The following ACTL6A variants were observed in gnomAD, a reference collection of about 807,000 sequenced individuals.
ACTL6A encodes actin-like protein 6A.
In ACTL6A, 5 loss-of-function variants were observed where a neutral mutation model predicts 59.2. That is an observed-to-expected ratio of 0.08 (90% CI 0.04 to 0.18). The LOEUF is 0.18. ACTL6A is among the 10% of genes least tolerant of loss of function. ACTL6A has a pLI of 1.00. For missense variants in ACTL6A, 285 were observed against 526.9 expected (o/e 0.54, Z 4.49); for synonymous variants, 154 against 171.8 (o/e 0.90, Z 0.81).
At chr3:179,586,795 C>A in intron 13 of ACTL6A, 163 bp downstream of exon 13, 1 of 586,508 alleles carries the variant, frequency 1.7e-6, no homozygotes, top group Non-Finnish European at 2.9e-6. Context: ...TCTGATGTAA[C>A]AAAATGCCTC....
chr3:179,569,306 A>G (rs1246647975), intron 1 of ACTL6A, among the ~76,000 whole-genome samples: 1 of 152,170 alleles, frequency 6.6e-6, no homozygotes, highest in African/African-American at 2.4e-5. Flanking sequence ...ATGGCAATGG[A>G]TCCATTATTA....
chr3:179,585,554 T>C (rs1212692147), intron 12 of ACTL6A, among the ~76,000 whole-genome samples: 1 of 152,188 alleles, frequency 6.6e-6, no homozygotes, highest in Non-Finnish European at 1.5e-5. Flanking sequence ...TTCTATTTAA[T>C]AGTTACCAAT....
chr3:179,577,816 C>CT (rs539879595), intron 8 of ACTL6A, among the ~76,000 whole-genome samples: 401 of 137,882 alleles, frequency 2.9e-3, no homozygotes, highest in South Asian at 0.02. Flanking sequence ...TGATCTCATT[C>CT]TTTTTTTTTT....
At chr3:179,563,744 G>C (rs1409371807) in intron 1 of ACTL6A, among the ~76,000 whole-genome samples, 1 of 152,180 alleles carries the variant, frequency 6.6e-6, no homozygotes, top group African/African-American at 2.4e-5. Context: ...ACTCGTGGGC[G>C]GGTCTGTTTG....
At chr3:179,584,750 A>C (rs1391651385) in intron 12 of ACTL6A, among the ~76,000 whole-genome samples, 2 of 152,154 alleles carry the variant, frequency 1.3e-5, no homozygotes, top group East Asian at 3.9e-4. Flanking sequence ...ATGCCACTGC[A>C]TTCCAGTCTG....
chr3:179,574,972 C>T (rs1367781612), intron 5 of ACTL6A: 1 of 185,628 alleles, frequency 5.4e-6, no homozygotes, highest in Non-Finnish European at 1.1e-5. Flanking sequence ...TCTGCCCATT[C>T]TTTACGCTGT....
At chr3:179,574,635 A>G (rs1160872590) in intron 5 of ACTL6A, 168 bp downstream of exon 5, 9 of 597,986 alleles carry the variant, frequency 1.5e-5, no homozygotes, top group Non-Finnish European at 1.8e-5. Flanking sequence ...GTTAGAACTG[A>G]TGATACACCA....
chr3:179,567,460 T>A (rs1037178084), intron 1 of ACTL6A, among the ~76,000 whole-genome samples: 4 of 152,172 alleles, frequency 2.6e-5, no homozygotes, highest in Admixed American at 1.3e-4. Flanking sequence ...TTTTGACATA[T>A]GAATTTTAGG....
In ACTL6A at chr3:179,562,978, G is replaced by A; in HGVS notation, c.-115G>A. 6 of 1,389,892 alleles carry A rather than the reference G, an allele frequency of 4.3e-6. No homozygotes were observed. Among genetic ancestry groups the A allele is most frequent in the Non-Finnish European group, 5.9e-6 (6 of 1,009,108 alleles). 86.1% of individuals were successfully genotyped at this position (1,389,892 alleles called of 1,614,324 possible). ...GACGCCGCTTTGTTGCCTGAGGTGGGTGGCGGTGGAAGTTAAGGGAGTCAG... is the reference window on the plus strand; with the variant it reads ...GACGCCGCTTTGTTGCCTGAGGTGGATGGCGGTGGAAGTTAAGGGAGTCAG... On this transcript the variant is annotated 5_prime_UTR_variant, in exon 1 of 14. In the 5' UTR this introduces an upstream ATG that the reference lacks. Coordinates refer to ENST00000429709, the MANE Select transcript of ACTL6A (RefSeq NM_004301.5).
rs1718327106 is a variant in ACTL6A at position 179,581,134 on chromosome 3, T to C, written c.946-6T>C. The C allele has an allele frequency of 6.2e-7, 1 of 1,613,632 alleles. No homozygotes were observed. The highest frequency in any genetic ancestry group is 1.3e-5 in the African/African-American group (1 of 74,934). ...CCATGTGACTACTTGTTTTCTTTTG[T>C]TGTAGGGGTTATCAGGAAACACAAT... On this transcript the variant is annotated splice_region_variant and splice_polypyrimidine_tract_variant and intron_variant, in intron 10 of 13. Coordinates refer to ENST00000429709, the MANE Select transcript of ACTL6A (RefSeq NM_004301.5).
intron 11 of ACTL6A, among the ~76,000 whole-genome samples, chr3:179,582,849 AAT>A (rs1317352210): frequency 6.6e-6 from 1 of 152,234 alleles, no homozygotes; most frequent in Non-Finnish European, 1.5e-5. Context: ...GCCAAAAAAA[AAT>A]TATGATTTTT....
At chr3:179,582,106 G>GGT (rs1718357039) in intron 11 of ACTL6A, among the ~76,000 whole-genome samples, 1 of 152,116 alleles carries the variant, frequency 6.6e-6, no homozygotes, top group Non-Finnish European at 1.5e-5. Flanking sequence ...TATTTCACCT[G>GGT]GTAACCTAGT....
intron 3 of ACTL6A, among the ~76,000 whole-genome samples, chr3:179,572,419 A>G (rs191447101): frequency 5.9e-5 from 9 of 152,350 alleles, no homozygotes; most frequent in Non-Finnish European, 1.0e-4. Flanking sequence ...TGTGACAGAA[A>G]AGTTTGTAAA....
At chr3:179,579,809 GTC>G (rs1274004235) in intron 8 of ACTL6A, among the ~76,000 whole-genome samples, 4 of 152,078 alleles carry the variant, frequency 2.6e-5, no homozygotes, top group African/African-American at 7.2e-5. Context: ...TAAAGACAGG[GTC>G]TCTCTCTGTC....
chr3:179,564,695 A>T (rs769653821), intron 1 of ACTL6A, among the ~76,000 whole-genome samples: 9 of 152,198 alleles, frequency 5.9e-5, no homozygotes, highest in African/African-American at 1.9e-4. Flanking sequence ...CAGGAAAATG[A>T]GCTGATATGT....
intron 1 of ACTL6A, among the ~76,000 whole-genome samples, chr3:179,568,566 T>A (rs1479615468): frequency 6.6e-6 from 1 of 151,962 alleles, no homozygotes; most frequent in East Asian, 1.9e-4. Flanking sequence ...TGTATATGTG[T>A]ATATATGTAT....
intron 8 of ACTL6A, among the ~76,000 whole-genome samples, chr3:179,579,455 T>TATACACACACACACAC (rs1553778005): frequency 4.8e-5 from 7 of 145,054 alleles, no homozygotes; most frequent in East Asian, 4.1e-4. Context: ...TTATATCATA[T>TATACACACACACACAC]ACACACACAC....
At chr3:179,563,218 C>G (rs1032249728) in intron 1 of ACTL6A, 101 bp downstream of exon 1, 1 of 1,492,282 alleles carries the variant, frequency 6.7e-7, no homozygotes, top group East Asian at 2.5e-5. Context: ...CTTCCGGTCT[C>G]CCCCTCTCGG....
intron 8 of ACTL6A, among the ~76,000 whole-genome samples, chr3:179,579,930 A>G (rs1265541281): frequency 6.6e-6 from 1 of 152,166 alleles, no homozygotes; most frequent in Admixed American, 6.5e-5. Flanking sequence ...GCATGCCACC[A>G]TGCCTGGCTA....
Sources: allele counts gnomAD v4.1 joint callset (sites outside exome capture counted in the v4.1 genomes callset), GRCh38; gene constraint gnomAD v4.1.1; transcripts MANE v1.5; gene names NCBI Gene and HGNC (gene_info 2026-07-23, HGNC 2026-07-21).